The following CSMD1 variants were observed in gnomAD, a reference collection of about 807,000 sequenced individuals.
CSMD1 encodes CUB and Sushi multiple domains 1.
In CSMD1, 213 loss-of-function variants were observed where a neutral mutation model predicts 417.5. That is an observed-to-expected ratio of 0.51 (90% CI 0.46 to 0.57). CSMD1 has a LOEUF of 0.57. Among genes scored for constraint, CSMD1 ranks in the 20% least tolerant of loss-of-function variants. The probability of loss-of-function intolerance (pLI) is 0.00; values close to 1 mark genes in which losing one functional copy is unlikely to be tolerated. For synonymous variants in CSMD1, 2,862 were observed against 1,736.8 expected, an observed-to-expected ratio of 1.65 and a Z score of -16.11; for missense variants, 6,923 against 4,529.7, an observed-to-expected ratio of 1.53 and a Z score of -15.17.
chr8:4,796,525 A>G (rs1293118159), intron 1 of CSMD1, among the ~76,000 whole-genome samples: 2 of 151,576 alleles, frequency 1.3e-5, no homozygotes, highest in African/African-American at 4.9e-5. Flanking sequence ...CCTGGGAGCC[A>G]TCCCTCAGAC....
chr8:3,509,071 C>A (rs1054536405), intron 10 of CSMD1, among the ~76,000 whole-genome samples: 2 of 152,152 alleles, frequency 1.3e-5, no homozygotes, highest in African/African-American at 4.8e-5. Flanking sequence ...GTGCCAGTTT[C>A]CTCCTCTTTA....
At chr8:4,763,946 T>C (rs1439440204) in intron 1 of CSMD1, among the ~76,000 whole-genome samples, 1 of 152,208 alleles carries the variant, frequency 6.6e-6, no homozygotes, top group African/African-American at 2.4e-5. Flanking sequence ...ATATTCCTTA[T>C]GCCACTTATG....
intron 1 of CSMD1, among the ~76,000 whole-genome samples, chr8:4,960,349 G>C (rs980479311): frequency 1.3e-5 from 2 of 152,148 alleles, no homozygotes; most frequent in Non-Finnish European, 2.9e-5. Flanking sequence ...ACTTAGAAGA[G>C]AATAAGAAAT....
At chr8:2,962,665 C>T in intron 60 of CSMD1, 26 bp from the exon 61 acceptor site, 2 of 1,606,154 alleles carry the variant, frequency 1.2e-6, no homozygotes, top group Non-Finnish European at 1.7e-6. Flanking sequence ...AGGAAGAAGT[C>T]AGCCTTCAAC....
chr8:4,620,488 A>T (rs1047303389), intron 2 of CSMD1, among the ~76,000 whole-genome samples: 1 of 151,656 alleles, frequency 6.6e-6, no homozygotes. Context: ...ACTATAAAAA[A>T]GTTACCCCAA....
chr8:3,471,261 G>C (rs916455270), intron 11 of CSMD1, among the ~76,000 whole-genome samples: 1 of 152,062 alleles, frequency 6.6e-6, no homozygotes. Context: ...GGGTTTATTT[G>C]CCATTTATAC....
At chr8:3,413,576 G>T (rs1440975700) in intron 12 of CSMD1, among the ~76,000 whole-genome samples, 1 of 152,218 alleles carries the variant, frequency 6.6e-6, no homozygotes, top group East Asian at 1.9e-4. Context: ...TAGAAGAAAT[G>T]TAAGCATGTT....
At chr8:4,862,508 C>T (rs1802197446) in intron 1 of CSMD1, among the ~76,000 whole-genome samples, 1 of 152,020 alleles carries the variant, frequency 6.6e-6, no homozygotes, top group African/African-American at 2.4e-5. Flanking sequence ...AGTGAAATAT[C>T]ATCGTGGTTT....
chr8:3,380,529 C>A (rs1810566406), intron 18 of CSMD1, among the ~76,000 whole-genome samples: 2 of 152,104 alleles, frequency 1.3e-5, no homozygotes, highest in Non-Finnish European at 2.9e-5. Context: ...GACAATGTGG[C>A]ACATATACAT....
intron 2 of CSMD1, among the ~76,000 whole-genome samples, chr8:4,432,356 C>T (rs1186213257): frequency 1.3e-5 from 2 of 152,146 alleles, no homozygotes; most frequent in African/African-American, 4.8e-5. Flanking sequence ...GAATCCCCTT[C>T]CCTGGCTATG....
intron 17 of CSMD1, among the ~76,000 whole-genome samples, chr8:3,389,565 C>T (rs1224767017): frequency 6.6e-6 from 1 of 152,050 alleles, no homozygotes; most frequent in Non-Finnish European, 1.5e-5. Context: ...GGTCACTAAA[C>T]AACAGTGTAT....
chr8:4,597,903 T>A (rs1197107670), intron 2 of CSMD1, among the ~76,000 whole-genome samples: 1 of 152,146 alleles, frequency 6.6e-6, no homozygotes, highest in East Asian at 1.9e-4. Context: ...TTGGAGAATA[T>A]GGTGGGTACT....
Position 3,387,565 on chromosome 8 carries a change from G to T in CSMD1, c.2711C>A (p.Thr904Lys). 1 of 1,601,586 alleles carries T rather than the reference G, an allele frequency of 6.2e-7. No individual in the cohort carries two copies. Among genetic ancestry groups the T allele is most frequent in the South Asian group, 1.1e-5 (1 of 88,498 alleles). ...GACGAGGGGCTCGTCGTCACTTAGTGTGTACCCCGGGTCACAGCTGAAAGT... is the reference window on the plus strand; with the variant it reads ...GACGAGGGGCTCGTCGTCACTTAGTTTGTACCCCGGGTCACAGCTGAAAGT... The part of the protein sequence containing the change: ...TVTFSCDPGY[T>K]LSDDEPLVCE... The change falls in exon 18 of 70, where the codon ACA becomes AAA. Residue 904 changes from threonine (T) to lysine (K), a missense_variant. Transcript: ENST00000635120.
intron 7 of CSMD1, chr8:3,700,363 T>G (rs935741053): frequency 3.3e-5 from 5 of 152,212 alleles, no homozygotes; most frequent in African/African-American, 1.2e-4. Flanking sequence ...CAGGGTTACT[T>G]TATGTGTGTG....
At chr8:3,886,715 C>G (rs1169675956) in intron 5 of CSMD1, among the ~76,000 whole-genome samples, 2 of 152,168 alleles carry the variant, frequency 1.3e-5, no homozygotes, top group African/African-American at 4.8e-5. Flanking sequence ...AAGTCTTAAT[C>G]TAGTGCCTCT....
At chr8:4,955,751 C>A (rs1411756134) in intron 1 of CSMD1, among the ~76,000 whole-genome samples, 3 of 122,164 alleles carry the variant, frequency 2.5e-5, no homozygotes, top group African/African-American at 8.4e-5. Context: ...CCACCACGCC[C>A]GGGCCCTCTC....
At chr8:3,242,962 C>G (rs528739072) in intron 26 of CSMD1, among the ~76,000 whole-genome samples, 3 of 152,044 alleles carry the variant, frequency 2.0e-5, no homozygotes, top group African/African-American at 4.8e-5. Flanking sequence ...AGAGAGATGT[C>G]CCTGCAATGG....
chr8:3,867,327 A>C (rs1465824011), intron 5 of CSMD1, among the ~76,000 whole-genome samples: 1 of 152,194 alleles, frequency 6.6e-6, no homozygotes, highest in Non-Finnish European at 1.5e-5. Flanking sequence ...CACAAACAGT[A>C]GGGTAGCCTA....
chr8:3,278,580 T>A (rs1238300528), intron 26 of CSMD1: 1 of 152,172 alleles, frequency 6.6e-6, no homozygotes, highest in Non-Finnish European at 1.5e-5. Flanking sequence ...CATAACTAAT[T>A]CCAATGTTTT....
Sources: allele counts gnomAD v4.1 joint callset (sites outside exome capture counted in the v4.1 genomes callset), GRCh38; gene constraint gnomAD v4.1.1; transcripts MANE v1.5; gene names NCBI Gene and HGNC (gene_info 2026-07-23, HGNC 2026-07-21).